ZNF831: variants seen among roughly 807,000 people sequenced by gnomAD.
ZNF831 encodes zinc finger protein 831, also known as chromosome 20 open reading frame 174.
ZNF831 carries 59 observed loss-of-function variants against 95.8 expected under a neutral mutation model. That is an observed-to-expected ratio of 0.62 (90% CI 0.50 to 0.77). The LOEUF (loss-of-function observed/expected upper bound fraction) is 0.77. ZNF831 is among the 30% of genes least tolerant of loss of function. The pLI is 0.00. For missense variants in ZNF831, 2,205 were observed against 2,164.0 expected (o/e 1.02, Z -0.38); for synonymous variants, 961 against 925.5 (o/e 1.04, Z -0.70).
intron 1 of ZNF831, among the ~76,000 whole-genome samples, chr20:59,170,465 T>A (rs1432571584): frequency 6.6e-6 from 1 of 152,166 alleles, no homozygotes; most frequent in East Asian, 1.9e-4. Flanking sequence ...TGTTGTTGAT[T>A]CATAGTTTGA....
chr20:59,137,237 A>G (rs6015446), intron 1 of ZNF831, among the ~76,000 whole-genome samples: 2 of 151,826 alleles, frequency 1.3e-5, no homozygotes, highest in South Asian at 2.1e-4. Flanking sequence ...ATTTTTTAGA[A>G]GTTATATGCA....
chr20:59,191,224 G>A lies in ZNF831; in HGVS notation c.205G>A (p.Gly69Arg), dbSNP rs375833789. Residue 69 changes from glycine to arginine, a missense_variant, in exon 2 of 6, where the codon GGG (glycine) becomes AGG (arginine). Physicochemically the swap from Gly to Arg is moderately radical, Grantham distance 125. Coordinates refer to ENST00000371030, the MANE Select transcript of ZNF831 (RefSeq NM_178457.3). ...CCCACTGTACCACACGGTGCCTCCC[G>A]GGGGCCTCCAGCCCCGCGCCCCGCT... ...PIPLYHTVPP[G>R]GLQPRAPLVT... 3.9e-6 allele frequency: 6 copies of A among 1,554,444 alleles called. No homozygotes were observed. The highest frequency in any genetic ancestry group is 1.7e-4 in the Middle Eastern group (1 of 5,806).
chr20:59,168,145 A>G (rs2022362573), intron 1 of ZNF831, among the ~76,000 whole-genome samples: 1 of 152,208 alleles, frequency 6.6e-6, no homozygotes, highest in Admixed American at 6.5e-5. Context: ...TAGGGTTTTG[A>G]TAGGAATTGC....
intron 1 of ZNF831, among the ~76,000 whole-genome samples, chr20:59,134,524 G>A (rs1979445149): frequency 6.6e-6 from 1 of 152,146 alleles, no homozygotes; most frequent in Non-Finnish European, 1.5e-5. Context: ...TTTCTCTTTA[G>A]TCTACTCTGA....
intron 1 of ZNF831, among the ~76,000 whole-genome samples, chr20:59,171,958 A>G (rs1345848732): frequency 6.6e-6 from 1 of 152,224 alleles, no homozygotes; most frequent in Non-Finnish European, 1.5e-5. Context: ...ATGTGGCAAC[A>G]GGTCCCTTTG....
In ZNF831 at chr20:59,191,459, C is replaced by G; in HGVS notation, c.440C>G (p.Pro147Arg). The G allele has an allele frequency of 1.2e-6, 2 of 1,613,072 alleles. No individual in the cohort carries two copies. The highest frequency in any genetic ancestry group is 1.7e-6 in the Non-Finnish European group (2 of 1,179,996). The change falls in exon 2 of 6, where the codon CCG (proline) becomes CGG (arginine). Residue 147 changes from proline (P) to arginine (R), a missense_variant. By Grantham distance (103) the Pro-to-Arg change is moderately radical. Transcript: ENST00000371030. ...KVRNAGKYLC[P>R]HCGRDCLKPS... ...CGGAATGCGGGCAAGTACCTGTGTCCGCACTGTGGTCGCGACTGCCTGAAG... is the reference window on the plus strand; with the variant it reads ...CGGAATGCGGGCAAGTACCTGTGTCGGCACTGTGGTCGCGACTGCCTGAAG...
rs183802429 is a variant in ZNF831, at chr20:59,136,117, C to A, written c.-1424-10114C>A. On this transcript the variant is annotated intron_variant, in intron 1 of 7. Transcript: ENST00000637017. ...TTTCTTACTAACTGTGGACTGAATA[C>A]ATTGTCAAGGTCTAGAGGCTGCCTC... Among the ~76,000 whole-genome samples the A allele has an allele frequency of 1.8e-3, 268 of 152,254 alleles. 4 individuals are homozygous for A. Among genetic ancestry groups the A allele is most frequent in the African/African-American group, 6.3e-3 (263 of 41,528 alleles).
chr20:59,127,166 C>G (rs1319118051), intron 1 of ZNF831, among the ~76,000 whole-genome samples: 2 of 152,120 alleles, frequency 1.3e-5, no homozygotes, highest in Non-Finnish European at 2.9e-5. Context: ...TACATCTAAT[C>G]CACCAGCAAG....
chr20:59,181,616 A>G (rs894210545), intron 1 of ZNF831, among the ~76,000 whole-genome samples: 2 of 152,076 alleles, frequency 1.3e-5, no homozygotes, highest in African/African-American at 4.8e-5. Flanking sequence ...ACCATTTAAT[A>G]AATAGGGAAT....
intron 1 of ZNF831, among the ~76,000 whole-genome samples, chr20:59,178,473 C>T (rs1052750614): frequency 2.0e-5 from 3 of 152,216 alleles, no homozygotes; most frequent in Non-Finnish European, 4.4e-5. Context: ...ATAATTCATT[C>T]ACTCAACCAA....
intron 1 of ZNF831, among the ~76,000 whole-genome samples, chr20:59,131,200 C>T (rs1056358680): frequency 8.5e-5 from 13 of 152,192 alleles, no homozygotes; most frequent in African/African-American, 3.1e-4. Context: ...CTCTCTGCCC[C>T]TTCCTTTCAT....
At chr20:59,239,689 C>T (rs1023649722) in intron 4 of ZNF831, among the ~76,000 whole-genome samples, 6 of 151,930 alleles carry the variant, frequency 3.9e-5, no homozygotes, top group Admixed American at 2.0e-4. Context: ...GGATTACAGG[C>T]GCGCGCCACC....
Position 59,252,853 on chromosome 20 carries a change from C to T in ZNF831, c.4028-125C>T, listed in dbSNP as rs546338083. The T allele has an allele frequency of 6.6e-5, 64 of 963,940 alleles. 1 individual carries two copies. The South Asian group carries it at 7.2e-4, about 11-fold the overall frequency. The allele number at this position is 963,940 out of a possible 1,614,324, so 59.7% of individuals were successfully genotyped here. On this transcript the variant is annotated intron_variant, in intron 4 of 5. Transcript: ENST00000371030. ...TGGAGATAAATTGAGTTCTTGCACA[C>T]ACCCTGTGAGATGAGGGTTAATGAG... is the stretch of plus-strand genomic sequence containing the variant.
At position 59,208,008 on chromosome 20, in the gene ZNF831, C is replaced by T. The variant is rs1985022499; in HGVS notation, c.4027+952C>T. ...TCTGCTCCCCAACCCCCAGAGCCTT[C>T]CAGGGTAGGCAAGGACATGGAGTAG... On this transcript the variant is annotated intron_variant, in intron 4 of 5. Coordinates refer to ENST00000371030, the MANE Select transcript of ZNF831 (RefSeq NM_178457.3). The surrounding 1 kb of genome is among the most constrained non-coding windows in gnomAD (Gnocchi z 4.2). 6.6e-6 allele frequency among the ~76,000 whole-genome samples: 1 copy of T among 152,246 alleles called. No individual in the cohort carries two copies. Among genetic ancestry groups the T allele is most frequent in the Non-Finnish European group, 1.5e-5 (1 of 68,042 alleles).
At chr20:59,235,881 C>G (rs1304596394) in intron 4 of ZNF831, among the ~76,000 whole-genome samples, 3 of 152,198 alleles carry the variant, frequency 2.0e-5, no homozygotes, top group African/African-American at 7.2e-5. Flanking sequence ...AAAAGGCCAG[C>G]TGATGCTCAG....
chr20:59,140,264 G>C (rs899467591), intron 1 of ZNF831, among the ~76,000 whole-genome samples: 1 of 152,146 alleles, frequency 6.6e-6, no homozygotes, highest in African/African-American at 2.4e-5. Flanking sequence ...CATTTAGAAA[G>C]CTGGCTCATT....
Position 59,253,979 on chromosome 20 carries a change from G to A in ZNF831, c.4270G>A (p.Asp1424Asn), listed in dbSNP as rs1003627840. 6.2e-7 allele frequency: 1 copy of A among 1,611,642 alleles called. No homozygotes were observed. The highest frequency in any genetic ancestry group is 8.5e-7 in the Non-Finnish European group (1 of 1,179,620). ...CACATCAGGATTATCTCTGCAATCTGACACCTGCCTGGCAGTGGTTAATGA... is the reference window on the plus strand; with the variant it reads ...CACATCAGGATTATCTCTGCAATCTAACACCTGCCTGGCAGTGGTTAATGA... The part of the protein sequence containing the change: ...AATSGLSLQS[D>N]TCLAVVNDVP... The change falls in exon 6 of 6, where the codon GAC (aspartate) becomes AAC (asparagine). Residue 1424 changes from aspartate (D) to asparagine (N), a missense_variant. Asp to Asn is a conservative substitution (Grantham distance 23). Transcript: ENST00000371030.
intron 2 of ZNF831, among the ~76,000 whole-genome samples, chr20:59,150,772 G>A (rs1377233025): frequency 6.6e-6 from 1 of 152,214 alleles, no homozygotes; most frequent in Non-Finnish European, 1.5e-5. Context: ...GTGATTTGTT[G>A]TCCAGGAGAG....
chr20:59,129,602 G>A (rs1979286404), intron 1 of ZNF831, among the ~76,000 whole-genome samples: 1 of 152,198 alleles, frequency 6.6e-6, no homozygotes, highest in Non-Finnish European at 1.5e-5. Flanking sequence ...CAGCCTGGGT[G>A]ACAGAGTGAG....
Sources: allele counts gnomAD v4.1 joint callset (sites outside exome capture counted in the v4.1 genomes callset), GRCh38; gene constraint gnomAD v4.1.1; non-coding constraint Gnocchi (gnomAD v3.1); transcripts MANE v1.5; gene names NCBI Gene and HGNC (gene_info 2026-07-23, HGNC 2026-07-21).